The following PAK1IP1 variants were observed in gnomAD, a reference collection of about 807,000 sequenced individuals.
PAK1IP1 encodes the protein p21-activated protein kinase-interacting protein 1.
Under a neutral mutation model 42.0 loss-of-function variants are expected in PAK1IP1, and 24 were observed. The ratio of observed to expected loss-of-function variants is 0.57; its 90% CI spans 0.41 to 0.80. The LOEUF (loss-of-function observed/expected upper bound fraction) is 0.80. Ranked by LOEUF, PAK1IP1 falls within the 30% of genes least tolerant of loss-of-function variation. The pLI, the probability that PAK1IP1 is intolerant of heterozygous loss-of-function variation, is 0.00. For synonymous variants in PAK1IP1, 154 were observed against 156.7 expected (o/e 0.98, Z 0.13); for missense variants, 411 against 467.9 (o/e 0.88, Z 1.12).
chr6:10,697,794 G>A (rs1393568265), intron 2 of PAK1IP1, among the ~76,000 whole-genome samples: 1 of 151,932 alleles, frequency 6.6e-6, no homozygotes, highest in African/African-American at 2.4e-5. Flanking sequence ...GGGAGGCGGA[G>A]GCAGGGGAAT....
At position 10,704,516 on chromosome 6, in the gene PAK1IP1, T is replaced by C. The variant is rs749851403; in HGVS notation, c.506T>C (p.Ile169Thr). The C allele has an allele frequency of 6.3e-7, 1 of 1,582,964 alleles. No homozygotes were observed. Among genetic ancestry groups the C allele is most frequent in the South Asian group, 1.2e-5 (1 of 86,914 alleles). ...FIKNIKQNAH[I>T]VEWSPRGEQY... ...TTTTTTCCACTTACAGATGCTCACA[T>C]AGTAGAATGGTCCCCAAGAGGAGAG... is the stretch of plus-strand genomic sequence containing the variant. The change falls in exon 6 of 10, where the codon ATA (isoleucine) becomes ACA (threonine). Residue 169 changes from isoleucine to threonine, a missense_variant. Physicochemically the swap from Ile to Thr is moderately conservative, Grantham distance 89. Coordinates refer to ENST00000379568, the MANE Select transcript of PAK1IP1 (RefSeq NM_017906.3).
At chr6:10,694,748 G>A, upstream of PAK1IP1, 1 of 441,534 alleles carries the variant, frequency 2.3e-6, no homozygotes, top group Non-Finnish European at 4.1e-6. Context: ...TCTCCTTGCA[G>A]TGAGAACCTC....
At chr6:10,696,852 G>A (rs942792169) in intron 1 of PAK1IP1, among the ~76,000 whole-genome samples, 1 of 152,210 alleles carries the variant, frequency 6.6e-6, no homozygotes, top group Admixed American at 6.5e-5. Flanking sequence ...GAGAATCGCA[G>A]TTCATTGCTG....
upstream of PAK1IP1, among the ~76,000 whole-genome samples, chr6:10,692,665 T>C (rs1769439400): frequency 6.6e-6 from 1 of 152,174 alleles, no homozygotes; most frequent in African/African-American, 2.4e-5. Context: ...GGTCTCGATC[T>C]CTTGATCTCG....
In PAK1IP1 at chr6:10,697,397, G is replaced by A. The variant is rs1041702774; in HGVS notation, c.158G>A (p.Arg53His). ...TTGTCAGCAGTAGCTGTAAATAGTC[G>A]TTTTGTGGTCACTGGGAGCAAAGAT... ...ASLSAVAVNS[R>H]FVVTGSKDET... Residue 53 changes from arginine (R) to histidine (H), a missense_variant, in exon 2 of 10, where the codon CGT becomes CAT. Coordinates refer to ENST00000379568, the MANE Select transcript of PAK1IP1 (RefSeq NM_017906.3). 8 of 1,613,792 alleles carry A rather than the reference G, an allele frequency of 5.0e-6. No homozygotes were observed. The highest frequency in any genetic ancestry group is 1.1e-5 in the South Asian group (1 of 91,074).
rs116411518 is a variant in PAK1IP1, at chr6:10,709,222, C to T, written c.965-16C>T. On this transcript the variant is annotated splice_polypyrimidine_tract_variant and intron_variant, in intron 9 of 9. Transcript: ENST00000379568. ...AAAACAGTCTTTTTTTAAAAGCACT[C>T]TCTTTTGTGTTTTAGTAAGTAAAGA... is the stretch of plus-strand genomic sequence containing the variant. 1.0e-3 allele frequency: 1,615 copies of T among 1,584,954 alleles called. 19 individuals carry two copies. In the African/African-American group the frequency reaches 0.02, roughly 19 times the overall value.
At chr6:10,702,325 A>G in intron 2 of PAK1IP1, 44 bp from the exon 3 acceptor site, 1 of 1,536,720 alleles carries the variant, frequency 6.5e-7, no homozygotes. Context: ...TGGAGTTTGC[A>G]TTTAAAATGA....
chr6:10,694,608 C>A (rs1371497595), upstream of PAK1IP1: 10 of 178,116 alleles, frequency 5.6e-5, no homozygotes, highest in South Asian at 1.1e-4. Context: ...AAGCAACCGG[C>A]CGGAAGTCGG....
intron 7 of PAK1IP1, among the ~76,000 whole-genome samples, chr6:10,706,539 C>G (rs1472772471): frequency 6.6e-6 from 1 of 152,102 alleles, no homozygotes; most frequent in African/African-American, 2.4e-5. Context: ...TAAAGTAGAT[C>G]CCAGTTTTGT....
upstream of PAK1IP1, among the ~76,000 whole-genome samples, chr6:10,691,037 G>A (rs1239905352): frequency 2.6e-5 from 4 of 152,164 alleles, no homozygotes; most frequent in Non-Finnish European, 4.4e-5. Context: ...GTTCAAGGCC[G>A]AGGACACATA....
chr6:10,691,363 G>C (rs1233166711), upstream of PAK1IP1, among the ~76,000 whole-genome samples: 1 of 152,090 alleles, frequency 6.6e-6, no homozygotes, highest in Non-Finnish European at 1.5e-5. Context: ...ACTCTAAGGA[G>C]GTCCGTGTGA....
rs1456160523 is a variant in PAK1IP1 at position 10,702,432 on chromosome 6, T to C, written c.311T>C (p.Leu104Pro). The change falls in exon 3 of 10, where the codon CTC (leucine) becomes CCC (proline). Residue 104 changes from leucine to proline, a missense_variant. Leu to Pro is a moderately conservative substitution (Grantham distance 98). Transcript: ENST00000379568. ...TTAATCAGTGGAGCGGAAGATGGAC[T>C]CATCTGTATCTGGGATGCAAAGAAA... ...RHLISGAEDGLICIWDAKKWE... is the reference protein window; with the variant it reads ...RHLISGAEDGPICIWDAKKWE... 1 of 1,613,548 alleles carries C rather than the reference T, an allele frequency of 6.2e-7. No individual in the cohort carries two copies. The highest frequency in any genetic ancestry group is 1.3e-5 in the African/African-American group (1 of 74,912).
chr6:10,703,319 CACTT>C (rs1247469539), intron 4 of PAK1IP1, 82 bp from the exon 5 acceptor site: 15 of 926,712 alleles, frequency 1.6e-5, no homozygotes, highest in Non-Finnish European at 2.6e-5. Flanking sequence ...AGTAAAATGT[CACTT>C]AAGTCTTCAT....
At chr6:10,692,598 A>G (rs562247008), upstream of PAK1IP1, among the ~76,000 whole-genome samples, 1 of 151,864 alleles carries the variant, frequency 6.6e-6, no homozygotes, top group African/African-American at 2.4e-5. Context: ...CCACCACCAC[A>G]CCCAGCTAAT....
chr6:10,703,597 C>G (rs1770105110), intron 5 of PAK1IP1, 140 bp downstream of exon 5: 21 of 594,800 alleles, frequency 3.5e-5, no homozygotes, highest in Admixed American at 2.6e-4. Context: ...GGGTCACAGT[C>G]AGAACCTTGT....
Position 10,707,489 on chromosome 6 carries a change from A to G in PAK1IP1, c.815A>G (p.Lys272Arg), listed in dbSNP as rs1179031663. The change falls in exon 8 of 10, where the codon AAA becomes AGA. Residue 272 changes from lysine to arginine, a missense_variant. Physicochemically the swap from Lys to Arg is conservative, Grantham distance 26. Coordinates refer to ENST00000379568, the MANE Select transcript of PAK1IP1 (RefSeq NM_017906.3). ...IVSASSDGFI[K>R]MWKLKQDKKV... ...TCAGCATCGAGTGATGGTTTCATCA[A>G]AATGTGGAAGCTTAAGCAGGATAAG... 1 of 1,607,740 alleles carries G rather than the reference A, an allele frequency of 6.2e-7. No homozygotes were observed. Among genetic ancestry groups the G allele is most frequent in the Admixed American group, 1.7e-5 (1 of 60,030 alleles).
At chr6:10,700,969 G>A (rs1770008878) in intron 2 of PAK1IP1, among the ~76,000 whole-genome samples, 1 of 151,992 alleles carries the variant, frequency 6.6e-6, no homozygotes, top group Non-Finnish European at 1.5e-5. Context: ...TCTTTCTAAT[G>A]CTCTCCTTCC....
chr6:10,707,380 A>C, intron 7 of PAK1IP1, 35 bp from the exon 8 acceptor site: 20 of 1,098,594 alleles, frequency 1.8e-5, no homozygotes, highest in South Asian at 2.5e-5. Context: ...ATTTGGAGGA[A>C]AAGATCTTTT....
upstream of PAK1IP1, among the ~76,000 whole-genome samples, chr6:10,693,613 C>T (rs1343775061): frequency 1.3e-5 from 2 of 152,236 alleles, no homozygotes; most frequent in African/African-American, 2.4e-5. Flanking sequence ...ATCTTGTTTA[C>T]CAAATGACCT....
Sources: gnomAD v4.1 joint callset for allele counts (sites outside exome capture counted in the v4.1 genomes callset) on GRCh38, gnomAD v4.1.1 for gene constraint, MANE v1.5 for transcripts, NCBI Gene and HGNC (gene_info 2026-07-23, HGNC 2026-07-21) for gene names.